Variants in WDR25 observed in about 807,000 individuals in gnomAD.
The protein encoded by WDR25 is WD repeat-containing protein 25.
Under a neutral mutation model 47.7 loss-of-function variants are expected in WDR25, and 35 were observed. That is an observed-to-expected ratio of 0.73 (90% confidence interval 0.56 to 0.97). The LOEUF (loss-of-function observed/expected upper bound fraction) is 0.97. Ranked by LOEUF, WDR25 falls within the 50% of genes least tolerant of loss-of-function variation. The pLI is 0.00. For synonymous variants in WDR25, 248 were observed against 278.9 expected, an observed-to-expected ratio of 0.89 and a Z score of 1.10; for missense variants, 634 against 704.7, an observed-to-expected ratio of 0.90 and a Z score of 1.14.
chr14:100,406,395 C>A (rs1269345450), intron 2 of WDR25, among the ~76,000 whole-genome samples: 1 of 152,226 alleles, frequency 6.6e-6, no homozygotes, highest in Non-Finnish European at 1.5e-5. Flanking sequence ...AGGATCTTCA[C>A]ACGGACAGCC....
At chr14:100,402,877 A>G (rs1221069002) in intron 2 of WDR25, among the ~76,000 whole-genome samples, 1 of 152,146 alleles carries the variant, frequency 6.6e-6, no homozygotes, top group Non-Finnish European at 1.5e-5. Flanking sequence ...AAAATGCCAT[A>G]GGGATGAGAC....
intron 4 of WDR25, among the ~76,000 whole-genome samples, chr14:100,494,978 AAAAC>A (rs762461864): frequency 3.8e-4 from 58 of 152,180 alleles, no homozygotes; most frequent in African/African-American, 1.2e-3. Context: ...TGACTCTACA[AAAAC>A]AAACAAACAA....
At chr14:100,377,972 C>T (rs934352400) in intron 1 of WDR25, among the ~76,000 whole-genome samples, 3 of 152,096 alleles carry the variant, frequency 2.0e-5, no homozygotes, top group African/African-American at 7.2e-5. Context: ...ACTGGGTTTT[C>T]TTGGAAGTCG....
rs1473255609 is a variant in WDR25, at chr14:100,498,279, A to G, written c.1101+14155A>G. On this transcript the variant is annotated intron_variant, in intron 4 of 6. Transcript: ENST00000402312. This position sits in a 1 kb window ranked among gnomAD's most constrained non-coding sequence, Gnocchi z 4.2. ...GCGCGGAGGCTGCGGAGGGAGATGG[A>G]TGTGCTGAGAGGAGACTGAGGGCCA... Among the ~76,000 whole-genome samples, 1 of 152,058 alleles carries G rather than the reference A, an allele frequency of 6.6e-6. No homozygotes were observed. The highest frequency in any genetic ancestry group is 2.4e-5 in the African/African-American group (1 of 41,416).
chr14:100,463,120 C>T (rs1170328253), intron 2 of WDR25, among the ~76,000 whole-genome samples: 1 of 150,430 alleles, frequency 6.6e-6, no homozygotes, highest in Admixed American at 6.7e-5. Context: ...TTTCCGTTTC[C>T]CATCCTGTGT....
At chr14:100,415,888 C>T (rs971252530) in intron 2 of WDR25, among the ~76,000 whole-genome samples, 3 of 152,204 alleles carry the variant, frequency 2.0e-5, no homozygotes, top group African/African-American at 7.2e-5. Context: ...TGTCTCAAAG[C>T]CCACACAGTT....
At position 100,468,423 on chromosome 14, in the gene WDR25, G is replaced by C. The variant is rs1208731014; in HGVS notation, c.970+255G>C. Among the ~76,000 whole-genome samples the C allele has an allele frequency of 1.3e-5, 2 of 152,226 alleles. No homozygotes were observed. Among genetic ancestry groups the C allele is most frequent in the African/African-American group, 4.8e-5 (2 of 41,460 alleles). The stretch of plus-strand genomic sequence containing the variant: ...GGTTGTCTCAGCCTCAAGCCATGGG[G>C]CTGGATAAAGAGGTGGCTTTTTAAT... On this transcript the variant is annotated intron_variant, in intron 3 of 6. Transcript: ENST00000402312. This position sits in a 1 kb window ranked among gnomAD's most constrained non-coding sequence, Gnocchi z 4.5.
At chr14:100,465,879 G>GT (rs1361098307) in intron 2 of WDR25, among the ~76,000 whole-genome samples, 8 of 152,176 alleles carry the variant, frequency 5.3e-5, no homozygotes, top group Admixed American at 1.3e-4. Context: ...GTTATTTTCT[G>GT]TTTTTTGATA....
intron 2 of WDR25, among the ~76,000 whole-genome samples, chr14:100,419,935 G>A (rs1273398786): frequency 6.6e-6 from 1 of 152,232 alleles, no homozygotes; most frequent in Non-Finnish European, 1.5e-5. Flanking sequence ...TGGTATGCAG[G>A]GGCACATGAT....
At chr14:100,455,792 C>G (rs146400434) in intron 2 of WDR25, among the ~76,000 whole-genome samples, 1 of 152,292 alleles carries the variant, frequency 6.6e-6, no homozygotes, top group Non-Finnish European at 1.5e-5. Context: ...AAAGTTCATA[C>G]TTATAGTGAA....
intron 2 of WDR25, among the ~76,000 whole-genome samples, chr14:100,420,157 C>T (rs1235318272): frequency 6.6e-6 from 1 of 152,256 alleles, no homozygotes; most frequent in Non-Finnish European, 1.5e-5. Flanking sequence ...CTACTGTCTC[C>T]TGGGCAAGGA....
intron 2 of WDR25, chr14:100,382,042 C>G: frequency 1.4e-6 from 1 of 702,772 alleles, no homozygotes; most frequent in Non-Finnish European, 2.6e-6. Flanking sequence ...GAAAAGCAGG[C>G]CCAGGACCAA....
chr14:100,527,219 C>G (rs963540262), intron 5 of WDR25, among the ~76,000 whole-genome samples: 34 of 151,922 alleles, frequency 2.2e-4, no homozygotes, highest in African/African-American at 7.7e-4. Context: ...GCACCACCAC[C>G]ACCATTACCA....
chr14:100,483,584 A>G (rs942075014), intron 3 of WDR25, among the ~76,000 whole-genome samples: 3 of 152,226 alleles, frequency 2.0e-5, no homozygotes, highest in Non-Finnish European at 4.4e-5. Context: ...AGACTCCCAG[A>G]TAAATAATCT....
At chr14:100,420,395 C>G (rs1897993221) in intron 2 of WDR25, among the ~76,000 whole-genome samples, 1 of 152,146 alleles carries the variant, frequency 6.6e-6, no homozygotes. Flanking sequence ...GTTTTTACAG[C>G]CTTCAGGATA....
chr14:100,495,010 T>G (rs1900686131), intron 4 of WDR25, among the ~76,000 whole-genome samples: 1 of 152,210 alleles, frequency 6.6e-6, no homozygotes, highest in Admixed American at 6.5e-5. Context: ...AGCAAGATCC[T>G]GACTCTACAA....
At chr14:100,467,734 C>T (rs1899683385) in intron 2 of WDR25, among the ~76,000 whole-genome samples, 1 of 152,080 alleles carries the variant, frequency 6.6e-6, no homozygotes, top group Non-Finnish European at 1.5e-5. Flanking sequence ...AGTCTGCCCA[C>T]CTTGGCCTCC....
intron 2 of WDR25, among the ~76,000 whole-genome samples, chr14:100,466,114 A>G (rs1480346421): frequency 6.6e-6 from 1 of 152,148 alleles, no homozygotes; most frequent in East Asian, 1.9e-4. Context: ...CCTCCCGTGA[A>G]TTCTTATTCC....
chr14:100,431,713 ATT>A (rs1215092627), intron 2 of WDR25, among the ~76,000 whole-genome samples: 6 of 117,478 alleles, frequency 5.1e-5, no homozygotes, highest in African/African-American at 9.3e-5. Flanking sequence ...TGCCCAACTA[ATT>A]TTTTTTTTTT....
Sources: gnomAD v4.1 joint callset for allele counts (sites outside exome capture counted in the v4.1 genomes callset) on GRCh38, gnomAD v4.1.1 for gene constraint, Gnocchi (gnomAD v3.1) non-coding constraint, MANE v1.5 for transcripts, NCBI Gene and HGNC (gene_info 2026-07-23, HGNC 2026-07-21) for gene names.